IPO9: variants seen among roughly 807,000 people sequenced by gnomAD.
IPO9 encodes the protein importin-9.
A neutral mutation model predicts 128.6 loss-of-function variants in IPO9; 28 were observed. The ratio of observed to expected loss-of-function variants is 0.22; its 90% CI spans 0.16 to 0.30. The LOEUF is 0.30. Ranked by LOEUF, IPO9 falls within the 10% of genes least tolerant of loss-of-function variation. IPO9 has a pLI of 1.00. For synonymous variants in IPO9, 455 were observed against 475.8 expected (o/e 0.96, Z 0.57); for missense variants, 935 against 1,293.9 (o/e 0.72, Z 4.26).
At chr1:201,857,288 T>C (rs1680347335) in intron 11 of IPO9, 94 bp downstream of exon 11, 2 of 814,938 alleles carry the variant, frequency 2.5e-6, no homozygotes, top group East Asian at 2.5e-5. Flanking sequence ...GTGAGCAGTG[T>C]TGTTGGGTGG....
rs1680880591 is a variant in IPO9, at chr1:201,881,343, T to TTG, written c.*5291_*5292dup. ...TTGATGAAACTGAAGCAGACAGATA[T>TTG]TGTTAACCTATCAAAGGTCACCCTG... On this transcript the variant is annotated 3_prime_UTR_variant, in exon 24 of 24. Coordinates refer to ENST00000361565, the MANE Select transcript of IPO9 (RefSeq NM_018085.5). 6.6e-6 allele frequency: 1 copy of TTG among 152,206 alleles called. No homozygotes were observed. Among genetic ancestry groups the TTG allele is most frequent in the Non-Finnish European group, 1.5e-5 (1 of 68,046 alleles). 9.4% of individuals were successfully genotyped at this position (152,206 alleles called of 1,614,324 possible).
At chr1:201,845,799 A>G (rs1680115699) in intron 1 of IPO9, among the ~76,000 whole-genome samples, 2 of 152,224 alleles carry the variant, frequency 1.3e-5, no homozygotes, top group Non-Finnish European at 2.9e-5. Context: ...CTTAGTAGCC[A>G]TTGTGACTAA....
At chr1:201,855,394 A>G (rs750555434) in intron 9 of IPO9, among the ~76,000 whole-genome samples, 1 of 152,260 alleles carries the variant, frequency 6.6e-6, no homozygotes, top group Non-Finnish European at 1.5e-5. Context: ...TCATAAAATC[A>G]TAGAATTTCT....
Position 201,863,396 on chromosome 1 carries a change from A to C in IPO9, c.1469-52A>C, listed in dbSNP as rs147516203. The C allele has an allele frequency of 5.3e-4, 797 of 1,496,302 alleles. 2 individuals carry two copies. The African/African-American group carries it at 9.5e-3, about 18-fold the overall frequency. 92.7% of individuals were successfully genotyped at this position (1,496,302 alleles called of 1,614,324 possible). ...ATGAATGTGGGAAAGAGAAAGAACA[A>C]GTAAAAGGAATTTTCATTTTCCAGC... On this transcript the variant is annotated intron_variant, in intron 13 of 23. Transcript: ENST00000361565.
chr1:201,874,400 CT>C, intron 21 of IPO9, 28 bp downstream of exon 21: 1 of 1,580,998 alleles, frequency 6.3e-7, no homozygotes, highest in Non-Finnish European at 8.6e-7. Flanking sequence ...TCCCAGGAGA[CT>C]TTTAGCCTGG....
At chr1:201,874,678 C>G (rs34554059) in intron 21 of IPO9, among the ~76,000 whole-genome samples, 154 bp from the exon 22 acceptor site, 32,203 of 152,056 alleles carry the variant, frequency 0.21, 3,545 homozygotes, top group South Asian at 0.26. Flanking sequence ...TGAGACTAAC[C>G]AGGAGGGTTT....
chr1:201,837,160 A>T (rs557785528), intron 1 of IPO9, among the ~76,000 whole-genome samples: 1 of 152,210 alleles, frequency 6.6e-6, no homozygotes, highest in East Asian at 1.9e-4. Context: ...AGTCTCAGTG[A>T]TGTGTGAAGC....
intron 4 of IPO9, 71 bp downstream of exon 4, chr1:201,848,665 T>A: frequency 6.8e-7 from 1 of 1,474,300 alleles, no homozygotes; most frequent in Non-Finnish European, 9.5e-7. Context: ...AGAAGCTATG[T>A]GATATAATGG....
chr1:201,872,323 G>A (rs540228462), intron 19 of IPO9, among the ~76,000 whole-genome samples: 14 of 152,224 alleles, frequency 9.2e-5, no homozygotes, highest in African/African-American at 2.9e-4. Context: ...ACAATATGGT[G>A]CAACCTTAGC....
intron 4 of IPO9, among the ~76,000 whole-genome samples, chr1:201,851,400 G>A (rs1448395133): frequency 6.6e-6 from 1 of 151,686 alleles, no homozygotes; most frequent in African/African-American, 2.4e-5. Context: ...TTATTCTGCT[G>A]CTTTGTAACA....
chr1:201,872,547 G>A (rs531778229), intron 19 of IPO9, among the ~76,000 whole-genome samples: 1 of 151,926 alleles, frequency 6.6e-6, no homozygotes, highest in Non-Finnish European at 1.5e-5. Context: ...CAAGGCTGCA[G>A]TGAACCATGA....
intron 6 of IPO9, among the ~76,000 whole-genome samples, chr1:201,853,570 A>G (rs535039876): frequency 6.6e-6 from 1 of 151,350 alleles, no homozygotes; most frequent in African/African-American, 2.4e-5. Flanking sequence ...GTTTTTTTTG[A>G]GACAAGATCT....
In IPO9 at chr1:201,863,599, C is replaced by T. The variant is rs774646734; in HGVS notation, c.1620C>T (p.Ala540=). ...CAGTTCGAATTTCTGCAGTGAGAGCCATCTGGGGGTGAGTATGCTACCCTA... is the reference window on the plus strand; with the variant it reads ...CAGTTCGAATTTCTGCAGTGAGAGCTATCTGGGGGTGAGTATGCTACCCTA... ...PPSVRISAVR[A]IWGYCDQLKV... Residue 540 remains alanine, a synonymous_variant, in exon 14 of 24, where the codon GCC becomes GCT. Coordinates refer to ENST00000361565, the MANE Select transcript of IPO9 (RefSeq NM_018085.5). 22 of 1,584,516 alleles carry T rather than the reference C, an allele frequency of 1.4e-5. No homozygotes were observed. Among genetic ancestry groups the T allele is most frequent in the Non-Finnish European group, 1.8e-5 (21 of 1,156,390 alleles).
rs1374272180 is a variant in IPO9, at chr1:201,879,218, G to A, written c.*3164G>A. ...CCAAAAGCACCTAAATAAGAGTGACGAGAGTTTAACAGACATTCATTATGG... is the reference window on the plus strand; with the variant it reads ...CCAAAAGCACCTAAATAAGAGTGACAAGAGTTTAACAGACATTCATTATGG... On this transcript the variant is annotated 3_prime_UTR_variant, in exon 24 of 24. Transcript: ENST00000361565. 2.0e-5 allele frequency: 3 copies of A among 152,208 alleles called. No homozygotes were observed. The highest frequency in any genetic ancestry group is 6.5e-5 in the Admixed American group (1 of 15,282). 9.4% of individuals were successfully genotyped at this position (152,208 alleles called of 1,614,324 possible). A position where few individuals can be genotyped will look rare whatever the true frequency, so the allele number is the denominator to read the frequency against.
In IPO9 at chr1:201,870,990, C is replaced by G. The variant is rs1347168488; in HGVS notation, c.2409+132C>G. On this transcript the variant is annotated intron_variant, in intron 18 of 23. Coordinates refer to ENST00000361565, the MANE Select transcript of IPO9 (RefSeq NM_018085.5). The surrounding 1 kb of genome is among the most constrained non-coding windows in gnomAD (Gnocchi z 4.9). ...GACAGTTAAGTAAAATGGGACCTGT[C>G]TGATCTGTTTGGCCTAAGAAACATG... 1 of 1,305,676 alleles carries G rather than the reference C, an allele frequency of 7.7e-7. No homozygotes were observed. Among genetic ancestry groups the G allele is most frequent in the African/African-American group, 1.5e-5 (1 of 67,800 alleles). The allele number at this position is 1,305,676 out of a possible 1,614,324, so 80.9% of individuals were successfully genotyped here. A position where few individuals can be genotyped will look rare whatever the true frequency, so the allele number is the denominator to read the frequency against.
chr1:201,847,224 AAATTT>A, intron 1 of IPO9, 50 bp from the exon 2 acceptor site: 1 of 1,348,476 alleles, frequency 7.4e-7, no homozygotes, highest in Non-Finnish European at 1.1e-6. Flanking sequence ...AGAGCTTAGT[AAATTT>A]CTATGGCTTT....
intron 1 of IPO9, among the ~76,000 whole-genome samples, chr1:201,836,234 T>C (rs1309889093): frequency 1.3e-5 from 2 of 151,864 alleles, no homozygotes; most frequent in African/African-American, 4.8e-5. Context: ...TCAAAAAATA[T>C]TGTATCTCTG....
intron 1 of IPO9, among the ~76,000 whole-genome samples, chr1:201,845,296 G>C (rs189207466): frequency 6.6e-6 from 1 of 152,152 alleles, no homozygotes; most frequent in Non-Finnish European, 1.5e-5. Context: ...GATTACAGGC[G>C]TGAGCCACCT....
intron 14 of IPO9, among the ~76,000 whole-genome samples, chr1:201,866,182 T>C (rs987973621): frequency 1.3e-5 from 2 of 152,190 alleles, no homozygotes; most frequent in Non-Finnish European, 2.9e-5. Flanking sequence ...TGACATAATA[T>C]GACTTTCTTC....
Sources: gnomAD v4.1 joint callset for allele counts (sites outside exome capture counted in the v4.1 genomes callset) on GRCh38, gnomAD v4.1.1 for gene constraint, Gnocchi (gnomAD v3.1) non-coding constraint, MANE v1.5 for transcripts, NCBI Gene and HGNC (gene_info 2026-07-23, HGNC 2026-07-21) for gene names.